Variants in KAZN observed in about 807,000 individuals in gnomAD.
The protein encoded by KAZN is kazrin.
KAZN carries 40 observed loss-of-function variants against 87.4 expected under a neutral mutation model. The ratio of observed to expected loss-of-function variants is 0.46; its 90% confidence interval spans 0.36 to 0.60. KAZN has a LOEUF of 0.60. Among genes scored for constraint, KAZN ranks in the 20% least tolerant of loss-of-function variants. The pLI, the probability that KAZN is intolerant of heterozygous loss-of-function variation, is 0.00. For missense variants in KAZN, 898 were observed against 1,073.9 expected (o/e 0.84, Z 2.29); for synonymous variants, 466 against 458.3 (o/e 1.02, Z -0.22).
At chr1:14,180,151 A>G (rs963279608) in intron 1 of KAZN, among the ~76,000 whole-genome samples, 1 of 152,036 alleles carries the variant, frequency 6.6e-6, no homozygotes, top group African/African-American at 2.4e-5. Flanking sequence ...AAGTTTCTGC[A>G]ACAGGACTAG....
intron 2 of KAZN, among the ~76,000 whole-genome samples, chr1:14,382,573 G>C (rs1456636531): frequency 2.0e-5 from 3 of 147,314 alleles, no homozygotes; most frequent in African/African-American, 7.5e-5. Context: ...GCGGTGTTTG[G>C]TTTTTTGTTC....
intron 1 of KAZN, among the ~76,000 whole-genome samples, chr1:14,097,826 T>G (rs1644162296): frequency 6.6e-6 from 1 of 152,172 alleles, no homozygotes; most frequent in Admixed American, 6.5e-5. Flanking sequence ...AAACCATCAG[T>G]AAATTCAGGG....
rs896008934 is a variant in KAZN at position 15,021,713 on chromosome 1, C to T, written c.419-13036C>T. Reference sequence around the variant, plus strand: ...TGCAGAGGGCCCCTGTGGCTCCCTGCAGTCCCTCTTATGACGGACACTCTG... The same window carrying T: ...TGCAGAGGGCCCCTGTGGCTCCCTGTAGTCCCTCTTATGACGGACACTCTG... On this transcript the variant is annotated intron_variant, in intron 2 of 14. Transcript: ENST00000376030. This position sits in a 1 kb window ranked among gnomAD's most constrained non-coding sequence, Gnocchi z 4.2. Among the ~76,000 whole-genome samples the T allele has an allele frequency of 6.6e-6, 1 of 152,308 alleles. No individual in the cohort carries two copies. The highest frequency in any genetic ancestry group is 6.5e-5 in the Admixed American group (1 of 15,298).
intron 2 of KAZN, among the ~76,000 whole-genome samples, chr1:14,582,143 A>G (rs1054039809): frequency 2.7e-5 from 4 of 145,466 alleles, no homozygotes; most frequent in African/African-American, 4.9e-5. Context: ...CCTATTTTAC[A>G]AGCAAAAAAA....
At chr1:14,115,595 C>T (rs115322611) in intron 1 of KAZN, among the ~76,000 whole-genome samples, 9,560 of 152,248 alleles carry the variant, frequency 0.063, 425 homozygotes, top group African/African-American at 0.13. Flanking sequence ...CTTCCCAGTC[C>T]TAAGCATGTC....
intron 2 of KAZN, among the ~76,000 whole-genome samples, chr1:14,239,455 C>T (rs1019176609): frequency 0.023 from 2,182 of 95,244 alleles, 34 homozygotes; most frequent in East Asian, 0.035. Flanking sequence ...AGTTGGGTTT[C>T]TTTTTTTTTT....
At chr1:13,951,284 T>C (rs1269876191) in intron 1 of KAZN, among the ~76,000 whole-genome samples, 2 of 152,108 alleles carry the variant, frequency 1.3e-5, no homozygotes, top group South Asian at 2.1e-4. Context: ...CAAGTTCAAA[T>C]CCTGGATCTG....
At chr1:14,564,348 G>A (rs975569780) in intron 2 of KAZN, among the ~76,000 whole-genome samples, 9 of 152,068 alleles carry the variant, frequency 5.9e-5, no homozygotes, top group African/African-American at 2.2e-4. Context: ...ATAGTGCCTG[G>A]AGACAGATCT....
At chr1:14,082,298 A>G (rs1643704519) in intron 1 of KAZN, among the ~76,000 whole-genome samples, 1 of 152,172 alleles carries the variant, frequency 6.6e-6, no homozygotes, top group Non-Finnish European at 1.5e-5. Context: ...GATATCTTAA[A>G]TCCAGTCTCT....
chr1:14,451,164 A>G (rs1287898971), intron 2 of KAZN, among the ~76,000 whole-genome samples: 1 of 152,118 alleles, frequency 6.6e-6, no homozygotes, highest in Non-Finnish European at 1.5e-5. Flanking sequence ...TCTTTTCTCT[A>G]TAAATTACCT....
chr1:14,141,689 A>T (rs905384706), intron 1 of KAZN, among the ~76,000 whole-genome samples: 1 of 151,814 alleles, frequency 6.6e-6, no homozygotes, highest in African/African-American at 2.4e-5. Flanking sequence ...GACGATAAGT[A>T]GTTTTAGCCT....
At chr1:15,010,351 T>C (rs1002099392) in intron 2 of KAZN, among the ~76,000 whole-genome samples, 14 of 150,364 alleles carry the variant, frequency 9.3e-5, no homozygotes, top group Non-Finnish European at 1.8e-4. Flanking sequence ...TGTTGGGTCC[T>C]CCTCTCCAGG....
At chr1:14,774,601 G>C (rs1364554653) in intron 1 of KAZN, among the ~76,000 whole-genome samples, 1 of 151,650 alleles carries the variant, frequency 6.6e-6, no homozygotes, top group Non-Finnish European at 1.5e-5. Flanking sequence ...CTCCCAAGTA[G>C]TTGGGACTAC....
intron 2 of KAZN, among the ~76,000 whole-genome samples, chr1:14,405,477 G>C (rs1178515196): frequency 6.6e-6 from 1 of 152,126 alleles, no homozygotes; most frequent in Non-Finnish European, 1.5e-5. Flanking sequence ...GGAAGCGGGA[G>C]AGGCAATGGG....
chr1:14,368,662 C>T (rs1553162945), intron 2 of KAZN, among the ~76,000 whole-genome samples: 1 of 152,196 alleles, frequency 6.6e-6, no homozygotes, highest in Non-Finnish European at 1.5e-5. Context: ...TCAATCCTAC[C>T]TCAGGCTGTT....
chr1:14,607,876 G>A (rs1321869492), intron 1 of KAZN, among the ~76,000 whole-genome samples: 3 of 152,214 alleles, frequency 2.0e-5, no homozygotes. Context: ...GGCAATAAGA[G>A]CAATAGCCAG....
intron 1 of KAZN, among the ~76,000 whole-genome samples, chr1:14,705,165 C>T (rs895784930): frequency 1.1e-4 from 17 of 152,208 alleles, no homozygotes; most frequent in Non-Finnish European, 5.9e-5. Flanking sequence ...CTTGCTGCCT[C>T]TTCCCATGGT....
At chr1:14,276,160 GGTGTGTGTGTGT>G (rs5772575) in intron 2 of KAZN, among the ~76,000 whole-genome samples, 50,888 of 135,468 alleles carry the variant, frequency 0.38, 9,388 homozygotes, top group Non-Finnish European at 0.49. Flanking sequence ...TCGCTATAAG[GGTGTGTGTGTGT>G]GTGTGTGTGT....
intron 2 of KAZN, among the ~76,000 whole-genome samples, chr1:14,302,551 A>G (rs1305417608): frequency 6.6e-6 from 1 of 152,234 alleles, no homozygotes; most frequent in African/African-American, 2.4e-5. Flanking sequence ...AACTCTAAGA[A>G]TAAAGGTTAG....
Sources: allele counts gnomAD v4.1 joint callset (sites outside exome capture counted in the v4.1 genomes callset), GRCh38; gene constraint gnomAD v4.1.1; non-coding constraint Gnocchi (gnomAD v3.1); transcripts MANE v1.5; gene names NCBI Gene and HGNC (gene_info 2026-07-23, HGNC 2026-07-21).